MIPEP: variants seen among roughly 807,000 people sequenced by gnomAD.
The protein encoded by MIPEP is mitochondrial intermediate peptidase.
A neutral mutation model predicts 90.3 loss-of-function variants in MIPEP; 79 were observed. The ratio of observed to expected loss-of-function variants is 0.87; its 90% CI spans 0.73 to 1.05. The LOEUF (loss-of-function observed/expected upper bound fraction) is 1.05, where lower values mean the gene tolerates loss of function less well. Ranked by LOEUF, MIPEP falls within the 50% of genes least tolerant of loss-of-function variation. MIPEP has a pLI of 0.00. For synonymous variants in MIPEP, 334 were observed against 315.8 expected (o/e 1.06, Z -0.61); for missense variants, 940 against 905.6 (o/e 1.04, Z -0.49).
Position 23,889,166 on chromosome 13 carries a change from T to TGGGGCTTGACATTGAAGGC in MIPEP, c.136_154dup (p.Gln52ArgfsTer25). On this transcript the variant is annotated frameshift_variant, in exon 1 of 19. Transcript: ENST00000382172. LOFTEE classifies it high-confidence loss of function. ...GCCGAACAGGTCCAAGCGGCTGCCCTGGGGCTTGACATTGAAGGCGGCGCC... is the reference window on the plus strand; with the variant it reads ...GCCGAACAGGTCCAAGCGGCTGCCCTGGGGCTTGACATTGAAGGCGGGGCTTGACATTGAAGGCGGCGCC... The TGGGGCTTGACATTGAAGGC allele has an allele frequency of 6.8e-7, 1 of 1,465,810 alleles. No individual in the cohort carries two copies. The highest frequency in any genetic ancestry group is 9.0e-7 in the Non-Finnish European group (1 of 1,110,274). The allele number at this position is 1,465,810 out of a possible 1,614,324, so 90.8% of individuals were successfully genotyped here.
chr13:23,759,191 T>C (rs1952515014), intron 17 of MIPEP, among the ~76,000 whole-genome samples: 1 of 152,128 alleles, frequency 6.6e-6, no homozygotes, highest in African/African-American at 2.4e-5. Flanking sequence ...AACGTCTTGG[T>C]TCCTATTGTT....
At chr13:23,812,190 AAC>A (rs533597401) in intron 14 of MIPEP, among the ~76,000 whole-genome samples, 750 of 66,958 alleles carry the variant, frequency 0.011, 7 homozygotes, top group African/African-American at 0.056. Flanking sequence ...TACTAACTGT[AAC>A]GCGTGCAGGG....
At chr13:23,773,394 A>G (rs1952675005) in intron 16 of MIPEP, among the ~76,000 whole-genome samples, 1 of 152,184 alleles carries the variant, frequency 6.6e-6, no homozygotes, top group South Asian at 2.1e-4. Context: ...TTTGACTATC[A>G]TGAATAATGC....
At chr13:23,848,778 T>A (rs1468002668) in intron 10 of MIPEP, among the ~76,000 whole-genome samples, 1 of 152,144 alleles carries the variant, frequency 6.6e-6, no homozygotes, top group East Asian at 1.9e-4. Context: ...TAGTCCTCAC[T>A]CAGCTGCCTC....
chr13:23,854,232 C>CAGAG lies in MIPEP; in HGVS notation c.1106+4624_1106+4627dup, dbSNP rs572888831. 1.3e-3 allele frequency among the ~76,000 whole-genome samples: 184 copies of CAGAG among 142,702 alleles called. 4 individuals carry two copies. In the East Asian group the frequency reaches 0.032, roughly 25 times the overall value. The allele number at this position is 142,702 out of a possible 152,430, so 93.6% of individuals were successfully genotyped here. A position where few individuals can be genotyped will look rare whatever the true frequency, so the allele number is the denominator to read the frequency against. ...TTGTAGAATCTGGGAGATCAATATGCAGAGGTTACTTATATTGCTCTACTT... is the reference window on the plus strand; with the variant it reads ...TTGTAGAATCTGGGAGATCAATATGCAGAGAGAGGTTACTTATATTGCTCTACTT... On this transcript the variant is annotated intron_variant, in intron 10 of 18. Coordinates refer to ENST00000382172, the MANE Select transcript of MIPEP (RefSeq NM_005932.4).
Position 23,889,356 on chromosome 13 carries a change from TC to T in MIPEP, c.-37del. On this transcript the variant is annotated 5_prime_UTR_variant, in exon 1 of 19. Transcript: ENST00000382172. ...GAGCAGTCCCTTCCTCCAACGCAGATCCCTGCCCTGCTGCTTTCGCTGGGAG... is the reference window on the plus strand; with the variant it reads ...GAGCAGTCCCTTCCTCCAACGCAGATCCTGCCCTGCTGCTTTCGCTGGGAG... 1 of 1,264,182 alleles carries T rather than the reference TC, an allele frequency of 7.9e-7. No individual in the cohort carries two copies. Among genetic ancestry groups the T allele is most frequent in the Non-Finnish European group, 1.0e-6 (1 of 1,003,706 alleles). The allele number at this position is 1,264,182 out of a possible 1,614,324, so 78.3% of individuals were successfully genotyped here. A position where few individuals can be genotyped will look rare whatever the true frequency, so the allele number is the denominator to read the frequency against.
intron 14 of MIPEP, among the ~76,000 whole-genome samples, chr13:23,827,206 G>A (rs1262599402): frequency 6.6e-6 from 1 of 152,054 alleles, no homozygotes; most frequent in African/African-American, 2.4e-5. Flanking sequence ...ATTCTGCCAA[G>A]ATTAACAGAG....
intron 14 of MIPEP, among the ~76,000 whole-genome samples, chr13:23,814,287 C>T (rs921538803): frequency 2.2e-4 from 33 of 152,128 alleles, no homozygotes; most frequent in African/African-American, 8.0e-4. Flanking sequence ...GACGGAGTCT[C>T]GCTCTGTTGC....
At chr13:23,761,961 C>T (rs539227339) in intron 16 of MIPEP, among the ~76,000 whole-genome samples, 1 of 152,254 alleles carries the variant, frequency 6.6e-6, no homozygotes, top group East Asian at 1.9e-4. Context: ...CCTGTCTCTA[C>T]TAAACATACA....
chr13:23,876,119 T>C (rs1341224367), intron 4 of MIPEP, among the ~76,000 whole-genome samples: 1 of 152,218 alleles, frequency 6.6e-6, no homozygotes, highest in African/African-American at 2.4e-5. Context: ...AGTATGCACA[T>C]TGATATATAT....
chr13:23,739,842 T>C (rs186381474), intron 18 of MIPEP, among the ~76,000 whole-genome samples: 15 of 152,350 alleles, frequency 9.8e-5, no homozygotes, highest in Admixed American at 2.0e-4. Context: ...CTAAACACTG[T>C]GTACTGGAGA....
chr13:23,829,675 C>A (rs1266840456), intron 14 of MIPEP, among the ~76,000 whole-genome samples: 1 of 152,070 alleles, frequency 6.6e-6, no homozygotes, highest in Admixed American at 6.6e-5. Flanking sequence ...GGTGTAGTGG[C>A]ACATGACTGT....
At chr13:23,730,577 T>C in intron 18 of MIPEP, 132 bp from the exon 19 acceptor site, 1 of 633,452 alleles carries the variant, frequency 1.6e-6, no homozygotes, top group Non-Finnish European at 2.9e-6. Context: ...ATAACCTGAA[T>C]GCAAGAACAT....
intron 9 of MIPEP, among the ~76,000 whole-genome samples, chr13:23,859,662 T>A (rs1248781302): frequency 6.6e-6 from 1 of 152,174 alleles, no homozygotes. Flanking sequence ...CCCTGAACAG[T>A]ACCTGGCCCA....
At position 23,766,923 on chromosome 13, in the gene MIPEP, T is replaced by G. The variant is rs868735187; in HGVS notation, c.1849-6706A>C. On this transcript the variant is annotated intron_variant, in intron 16 of 18. Transcript: ENST00000382172. ...TGTGAATACATTGTGTTATCCATGATGTCTCCATCTCGCTAGCAAGCTCAC... is the reference window on the plus strand; with the variant it reads ...TGTGAATACATTGTGTTATCCATGAGGTCTCCATCTCGCTAGCAAGCTCAC... 1.3e-5 allele frequency among the ~76,000 whole-genome samples: 2 copies of G among 152,356 alleles called. 1 individual carries two copies. The highest frequency in any genetic ancestry group is 4.1e-4 in the South Asian group (2 of 4,822).
intron 10 of MIPEP, among the ~76,000 whole-genome samples, chr13:23,858,509 C>T (rs998172076): frequency 8.0e-5 from 12 of 149,630 alleles, no homozygotes; most frequent in African/African-American, 3.0e-4. Context: ...TAACGTAGTA[C>T]CACGCCATGT....
intron 16 of MIPEP, among the ~76,000 whole-genome samples, chr13:23,802,483 G>A (rs149187436): frequency 1.2e-4 from 18 of 152,144 alleles, no homozygotes; most frequent in Middle Eastern, 3.4e-3. Context: ...TGAGAGAATC[G>A]CTTGAACCCA....
intron 16 of MIPEP, among the ~76,000 whole-genome samples, chr13:23,762,694 C>T (rs532153685): frequency 2.0e-5 from 3 of 152,324 alleles, no homozygotes; most frequent in Admixed American, 6.5e-5. Flanking sequence ...ATGGGGCAGC[C>T]GCCTCCTGTG....
At chr13:23,854,190 T>C (rs1305539993) in intron 10 of MIPEP, among the ~76,000 whole-genome samples, 1 of 9,358 alleles carries the variant, frequency 1.1e-4, no homozygotes, top group Non-Finnish European at 1.0e-3. Context: ...CCAGGCTAAT[T>C]TTTTTTTTTT....
Sources: gnomAD v4.1 joint callset for allele counts (sites outside exome capture counted in the v4.1 genomes callset) on GRCh38, gnomAD v4.1.1 for gene constraint, MANE v1.5 for transcripts, NCBI Gene and HGNC (gene_info 2026-07-23, HGNC 2026-07-21) for gene names.